The following C10orf143 variants were observed in gnomAD, a reference collection of about 807,000 sequenced individuals.
The protein encoded by C10orf143 is chromosome 10 open reading frame 143.
At chr10:130,095,294 G>T (rs1439950605) in intron 1 of C10orf143, among the ~76,000 whole-genome samples, 1 of 152,012 alleles carries the variant, frequency 6.6e-6, no homozygotes, top group African/African-American at 2.4e-5. Flanking sequence ...AATAAAAGAG[G>T]ACACAAACAA....
intron 3 of C10orf143, among the ~76,000 whole-genome samples, chr10:130,043,560 C>A (rs1298538167): frequency 6.6e-6 from 1 of 152,158 alleles, no homozygotes; most frequent in African/African-American, 2.4e-5. Flanking sequence ...CAGCCCTGGT[C>A]TTCTTCTCCC....
chr10:130,066,851 G>A (rs1442330600), intron 3 of C10orf143: 2 of 152,208 alleles, frequency 1.3e-5, no homozygotes, highest in East Asian at 3.9e-4. Flanking sequence ...AGGCAGGTCT[G>A]ACGAGGAGCA....
chr10:130,079,858 C>A lies in C10orf143; in HGVS notation c.113G>T (p.Gly38Val). The change falls in exon 2 of 4, where the codon GGC (glycine) becomes GTC (valine). Residue 38 changes from glycine (G) to valine (V), a missense_variant. Physicochemically the swap from Gly to Val is moderately radical, Grantham distance 109. Coordinates refer to ENST00000637128, the MANE Select transcript of C10orf143 (RefSeq NM_001355042.2). The stretch of plus-strand genomic sequence containing the variant: ...GGCACAGGCATTCACCTGGTGGCAG[C>A]CACGCTCATGCCCACTGGCTTCTAA... ...RRLEASGHERGCHQVNACALA... is the reference protein window; with the variant it reads ...RRLEASGHERVCHQVNACALA... 2.5e-6 allele frequency: 1 copy of A among 398,630 alleles called. No individual in the cohort carries two copies. Among genetic ancestry groups the A allele is most frequent in the Admixed American group, 4.4e-5 (1 of 22,730 alleles). 24.7% of individuals were successfully genotyped at this position (398,630 alleles called of 1,614,324 possible). A position where few individuals can be genotyped will look rare whatever the true frequency, so the allele number is the denominator to read the frequency against.
chr10:130,049,614 C>G (rs943456416), intron 3 of C10orf143, among the ~76,000 whole-genome samples: 1 of 152,130 alleles, frequency 6.6e-6, no homozygotes, highest in Non-Finnish European at 1.5e-5. Flanking sequence ...AAAGGTGGGT[C>G]CTGATAAGGG....
At chr10:130,110,645 G>A (rs570292918) in intron 1 of C10orf143, 59 bp downstream of exon 1, 18 of 398,472 alleles carry the variant, frequency 4.5e-5, no homozygotes, top group Middle Eastern at 1.3e-3. Context: ...GGCGCGGTGG[G>A]AACCCGCCCA....
chr10:130,081,715 C>A (rs1343998391), intron 1 of C10orf143, among the ~76,000 whole-genome samples: 5 of 27,010 alleles, frequency 1.9e-4, no homozygotes, highest in Middle Eastern at 0.019. Flanking sequence ...CTTAGGTCAC[C>A]AACTGAGAGG....
chr10:130,061,462 G>A (rs1032656258), downstream of C10orf143, among the ~76,000 whole-genome samples: 2 of 152,056 alleles, frequency 1.3e-5, no homozygotes, highest in African/African-American at 4.8e-5. Context: ...AATGAGTTTC[G>A]TAAGTTGTTG....
chr10:130,093,471 A>G (rs2134792380), intron 1 of C10orf143, among the ~76,000 whole-genome samples: 1 of 152,344 alleles, frequency 6.6e-6, no homozygotes, highest in Non-Finnish European at 1.5e-5. Context: ...GGAAAGATCA[A>G]AAATTGACAT....
At chr10:130,076,150 C>T (rs544681576) in intron 3 of C10orf143, among the ~76,000 whole-genome samples, 3 of 151,986 alleles carry the variant, frequency 2.0e-5, no homozygotes, top group African/African-American at 7.2e-5. Flanking sequence ...TTCTTTATAG[C>T]GATGTGAAAA....
chr10:130,037,198 G>C (rs1860554219), intron 3 of C10orf143, among the ~76,000 whole-genome samples: 1 of 152,200 alleles, frequency 6.6e-6, no homozygotes, highest in Admixed American at 6.5e-5. Context: ...GGAGGAGATG[G>C]GTGAGCAACA....
At chr10:130,107,465 G>A (rs1422654853) in intron 1 of C10orf143, 2 of 1,410,630 alleles carry the variant, frequency 1.4e-6, no homozygotes, top group Non-Finnish European at 2.0e-6. Flanking sequence ...AAACCTCAAT[G>A]ATTTAAGGAA....
intron 1 of C10orf143, among the ~76,000 whole-genome samples, chr10:130,108,681 T>C (rs770224293): frequency 6.6e-6 from 1 of 152,240 alleles, no homozygotes; most frequent in South Asian, 2.1e-4. Context: ...TCCACTATTA[T>C]AGAAACAACA....
rs187336559 is a variant in C10orf143, at chr10:130,055,415, A to T, written c.298-19445T>A. On this transcript the variant is annotated intron_variant and NMD_transcript_variant, in intron 3 of 5. Transcript: ENST00000643056. ...ATTCACACAACTCAAAAGCAAAAAA[A>T]GTAATAGCCCAATTTAAAAATGGGC... Among the ~76,000 whole-genome samples, 19 of 152,258 alleles carry T rather than the reference A, an allele frequency of 1.2e-4. No homozygotes were observed. In the East Asian group the frequency reaches 3.5e-3, roughly 28 times the overall value.
At chr10:130,090,960 C>T (rs1022457839) in intron 1 of C10orf143, among the ~76,000 whole-genome samples, 1 of 152,186 alleles carries the variant, frequency 6.6e-6, no homozygotes, top group East Asian at 1.9e-4. Flanking sequence ...TGGGGCAGAG[C>T]ATCTAGGAGA....
At chr10:130,046,609 G>T (rs1208445789) in intron 3 of C10orf143, among the ~76,000 whole-genome samples, 1 of 152,226 alleles carries the variant, frequency 6.6e-6, no homozygotes, top group African/African-American at 2.4e-5. Flanking sequence ...TAGATCAAAT[G>T]GTGGTGGTCT....
chr10:130,087,850 C>T (rs989654621), intron 1 of C10orf143, among the ~76,000 whole-genome samples: 4 of 152,154 alleles, frequency 2.6e-5, no homozygotes, highest in East Asian at 1.9e-4. Context: ...GCTCTGCCAC[C>T]GGTGGGGCTC....
At chr10:130,106,632 G>T (rs766164506) in intron 1 of C10orf143, 2 of 1,300,646 alleles carry the variant, frequency 1.5e-6, no homozygotes, top group South Asian at 1.2e-5. Flanking sequence ...ATCTTCAAGA[G>T]ATTTAAAATG....
intron 3 of C10orf143, chr10:130,066,182 A>AT (rs764477540): frequency 0.13 from 14,673 of 112,824 alleles, 1,621 homozygotes; most frequent in Non-Finnish European, 0.2. Flanking sequence ...TGAGACCTGG[A>AT]TTTTTTTTTT....
intron 1 of C10orf143, among the ~76,000 whole-genome samples, chr10:130,089,035 T>C (rs1861338196): frequency 6.6e-6 from 1 of 152,120 alleles, no homozygotes; most frequent in African/African-American, 2.4e-5. Context: ...GTCCACACTC[T>C]TGACCAAGTC....
Sources: gnomAD v4.1 joint callset for allele counts (sites outside exome capture counted in the v4.1 genomes callset) on GRCh38, gnomAD v4.1.1 for gene constraint, MANE v1.5 for transcripts, NCBI Gene and HGNC (gene_info 2026-07-23, HGNC 2026-07-21) for gene names.